The following MIB1 variants were observed in gnomAD, a reference collection of about 807,000 sequenced individuals.
The protein encoded by MIB1 is E3 ubiquitin-protein ligase MIB1.
MIB1 carries 278 observed loss-of-function variants against 124.5 expected under a neutral mutation model. That is an observed-to-expected ratio of 2.23 (90% CI 2.02 to 2.47). The LOEUF is 2.47. MIB1 is among the 30% of genes most tolerant of loss of function. The pLI, the probability that MIB1 is intolerant of heterozygous loss-of-function variation, is 0.00. For synonymous variants in MIB1, 446 were observed against 429.4 expected, an observed-to-expected ratio of 1.04 and a Z score of -0.48; for missense variants, 957 against 1,254.4, an observed-to-expected ratio of 0.76 and a Z score of 3.58.
chr18:21,858,849 T>C (rs1442220573), intron 20 of MIB1, among the ~76,000 whole-genome samples: 1 of 152,012 alleles, frequency 6.6e-6, no homozygotes, highest in Non-Finnish European at 1.5e-5. Flanking sequence ...CCAATGAATA[T>C]GAAAAAATGG....
At chr18:21,794,998 A>G (rs1037771202) in intron 7 of MIB1, among the ~76,000 whole-genome samples, 5 of 151,932 alleles carry the variant, frequency 3.3e-5, no homozygotes, top group Admixed American at 3.3e-4. Flanking sequence ...ATCATGGAAT[A>G]TGTATTGATT....
intron 1 of MIB1, among the ~76,000 whole-genome samples, chr18:21,752,431 A>G (rs750395344): frequency 2.6e-5 from 4 of 152,232 alleles, no homozygotes; most frequent in Admixed American, 6.5e-5. Context: ...GTTAGCAGTT[A>G]GAATTGGGTC....
chr18:21,786,807 C>G (rs936140944), intron 6 of MIB1, among the ~76,000 whole-genome samples: 1 of 152,158 alleles, frequency 6.6e-6, no homozygotes, highest in African/African-American at 2.4e-5. Flanking sequence ...TCATTTCCAT[C>G]TCTGTTAAAT....
intron 1 of MIB1, among the ~76,000 whole-genome samples, chr18:21,752,184 C>T (rs549713200): frequency 2.0e-5 from 3 of 151,440 alleles, no homozygotes; most frequent in South Asian, 4.3e-4. Flanking sequence ...ATCTTTTATT[C>T]TTTATTCCAA....
intron 1 of MIB1, among the ~76,000 whole-genome samples, chr18:21,749,235 A>G (rs1006469915): frequency 1.3e-5 from 2 of 152,214 alleles, no homozygotes; most frequent in Non-Finnish European, 1.5e-5. Flanking sequence ...GTATTTCCAT[A>G]TAGGTATGCC....
intron 8 of MIB1, among the ~76,000 whole-genome samples, chr18:21,798,819 A>C (rs1217834126): frequency 6.6e-6 from 1 of 152,114 alleles, no homozygotes; most frequent in Non-Finnish European, 1.5e-5. Context: ...TTCATTTTAC[A>C]ACATAATACA....
intron 17 of MIB1, among the ~76,000 whole-genome samples, chr18:21,851,159 T>C (rs2042176496): frequency 6.6e-6 from 1 of 152,156 alleles, no homozygotes; most frequent in Admixed American, 6.5e-5. Context: ...TTATAAAAGC[T>C]GCAGCTCAAA....
At chr18:21,798,986 T>G (rs1319552603) in intron 8 of MIB1, among the ~76,000 whole-genome samples, 1 of 152,136 alleles carries the variant, frequency 6.6e-6, no homozygotes, top group Non-Finnish European at 1.5e-5. Context: ...TGCTGTAATT[T>G]GCTAGTATGC....
chr18:21,823,246 AAAG>A (rs1171046993), intron 12 of MIB1, among the ~76,000 whole-genome samples: 1 of 151,530 alleles, frequency 6.6e-6, no homozygotes, highest in Non-Finnish European at 1.5e-5. Context: ...AAAAAAAAAA[AAAG>A]AATCAGCTGG....
At chr18:21,854,370 A>G (rs563840500) in intron 18 of MIB1, among the ~76,000 whole-genome samples, 31 of 152,346 alleles carry the variant, frequency 2.0e-4, no homozygotes, top group African/African-American at 7.0e-4. Flanking sequence ...GAAAATATGT[A>G]AATAAATGGG....
chr18:21,821,188 C>T (rs999500136), intron 12 of MIB1, among the ~76,000 whole-genome samples: 2 of 152,070 alleles, frequency 1.3e-5, no homozygotes, highest in African/African-American at 4.8e-5. Context: ...TGATTTCAGT[C>T]TTTTTCTTGA....
At chr18:21,818,923 A>C (rs1196545623) in intron 11 of MIB1, among the ~76,000 whole-genome samples, 1 of 152,164 alleles carries the variant, frequency 6.6e-6, no homozygotes, top group Non-Finnish European at 1.5e-5. Context: ...TGAAAGAGCG[A>C]AACTTGGTCT....
chr18:21,707,138 G>C (rs2040642330), intron 1 of MIB1, among the ~76,000 whole-genome samples: 1 of 152,190 alleles, frequency 6.6e-6, no homozygotes, highest in Admixed American at 6.5e-5. Flanking sequence ...GTCTAGCTAA[G>C]GGATTGTAAA....
chr18:21,820,680 A>G (rs1185220106), intron 12 of MIB1, among the ~76,000 whole-genome samples: 6 of 152,226 alleles, frequency 3.9e-5, no homozygotes, highest in Admixed American at 3.9e-4. Context: ...GAAGATTATG[A>G]TAGCACTTTC....
intron 13 of MIB1, 63 bp downstream of exon 13, chr18:21,838,560 C>T: frequency 7.5e-7 from 1 of 1,339,680 alleles, no homozygotes; most frequent in Admixed American, 2.4e-5. Context: ...GGGACCATTG[C>T]CATTCATTTA....
chr18:21,805,632 A>G (rs549565088), intron 10 of MIB1, among the ~76,000 whole-genome samples: 2 of 152,268 alleles, frequency 1.3e-5, no homozygotes, highest in South Asian at 2.1e-4. Context: ...AGAAACTCCA[A>G]TAGCAACAAC....
Position 21,858,627 on chromosome 18 carries a change from T to TA in MIB1, c.2862dup (p.Gln955ThrfsTer4), listed in dbSNP as rs1220030795. ...GATGTGCAAAAGTTGCAGCAACAGT[T>TA]ACAAGACATTAAAGAGCAGGTAATA... On this transcript the variant is annotated frameshift_variant, in exon 20 of 21. Coordinates refer to ENST00000261537, the MANE Select transcript of MIB1 (RefSeq NM_020774.4). LOFTEE classifies it high-confidence loss of function. The TA allele has an allele frequency of 6.3e-7, 1 of 1,578,966 alleles. No homozygotes were observed.
chr18:21,826,577 A>G (rs1479063884), intron 12 of MIB1: 1 of 152,118 alleles, frequency 6.6e-6, no homozygotes, highest in Non-Finnish European at 1.5e-5. Flanking sequence ...GTTACAATCC[A>G]TGGATACAAG....
chr18:21,785,835 A>G (rs1332746267), intron 6 of MIB1, among the ~76,000 whole-genome samples: 1 of 152,152 alleles, frequency 6.6e-6, no homozygotes, highest in Non-Finnish European at 1.5e-5. Context: ...CATCTGGGAA[A>G]GGTTTTATCT....
Sources: allele counts gnomAD v4.1 joint callset (sites outside exome capture counted in the v4.1 genomes callset), GRCh38; gene constraint gnomAD v4.1.1; transcripts MANE v1.5; gene names NCBI Gene and HGNC (gene_info 2026-07-23, HGNC 2026-07-21).